The following HIKESHI variants were observed in gnomAD, a reference collection of about 807,000 sequenced individuals.
The protein encoded by HIKESHI is heat shock protein nuclear import factor hikeshi.
Under a neutral mutation model 25.7 loss-of-function variants are expected in HIKESHI, and 13 were observed. That is an observed-to-expected ratio of 0.51 (90% CI 0.33 to 0.80). The LOEUF is 0.80. HIKESHI is among the 30% of genes least tolerant of loss of function. HIKESHI has a pLI of 0.02. For synonymous variants in HIKESHI, 76 were observed against 78.7 expected (o/e 0.97, Z 0.18); for missense variants, 174 against 229.5 (o/e 0.76, Z 1.56).
intron 3 of HIKESHI, among the ~76,000 whole-genome samples, chr11:86,340,864 T>A (rs7103304): frequency 6.6e-6 from 1 of 151,956 alleles, no homozygotes; most frequent in South Asian, 2.1e-4. Flanking sequence ...AGGCTGGTCT[T>A]GAACTCCTGA....
chr11:86,322,944 A>G (rs1190680115), intron 2 of HIKESHI, among the ~76,000 whole-genome samples: 1 of 152,176 alleles, frequency 6.6e-6, no homozygotes, highest in Non-Finnish European at 1.5e-5. Flanking sequence ...AAAGTAAAAT[A>G]TAGGCTGGGC....
chr11:86,326,577 A>G (rs1266866297), intron 2 of HIKESHI: 1 of 456,062 alleles, frequency 2.2e-6, no homozygotes, highest in African/African-American at 2.0e-5. Context: ...AATATTAAAT[A>G]TCACACCAAG....
At chr11:86,318,491 G>T (rs1947058448) in intron 2 of HIKESHI, among the ~76,000 whole-genome samples, 1 of 151,690 alleles carries the variant, frequency 6.6e-6, no homozygotes, top group African/African-American at 2.4e-5. Flanking sequence ...AGAGAAAGAG[G>T]CAAAGTTATT....
chr11:86,307,139 A>T (rs868438995), intron 2 of HIKESHI, among the ~76,000 whole-genome samples: 2 of 113,830 alleles, frequency 1.8e-5, no homozygotes, highest in Non-Finnish European at 3.5e-5. Flanking sequence ...TATACATCAT[A>T]TATCAAATAT....
chr11:86,345,461 T>C (rs1947847635), intron 4 of HIKESHI, 123 bp from the exon 5 acceptor site: 1 of 600,994 alleles, frequency 1.7e-6, no homozygotes, highest in East Asian at 3.2e-5. Flanking sequence ...ATTATCTTTT[T>C]AGATTTTTTA....
intron 2 of HIKESHI, among the ~76,000 whole-genome samples, chr11:86,318,591 A>G (rs1388273769): frequency 1.3e-5 from 2 of 152,054 alleles, no homozygotes; most frequent in African/African-American, 4.8e-5. Context: ...TGTCAATTTT[A>G]TTTATTTAGA....
chr11:86,332,381 T>G (rs965586734), intron 2 of HIKESHI, among the ~76,000 whole-genome samples: 1 of 152,144 alleles, frequency 6.6e-6, no homozygotes, highest in Admixed American at 6.5e-5. Flanking sequence ...ATTAGAAGGA[T>G]TGGTACTTCA....
chr11:86,332,871 T>A (rs533165641), intron 2 of HIKESHI, among the ~76,000 whole-genome samples: 2 of 152,390 alleles, frequency 1.3e-5, no homozygotes, highest in South Asian at 4.1e-4. Flanking sequence ...CCTTGGTTTG[T>A]CATTGCATTA....
Position 86,331,155 on chromosome 11 carries a change from G to T in HIKESHI, c.269-6224G>T, listed in dbSNP as rs568436996. Among the ~76,000 whole-genome samples the T allele has an allele frequency of 5.3e-5, 8 of 152,080 alleles. No individual in the cohort carries two copies. In the East Asian group the frequency reaches 1.5e-3, roughly 29 times the overall value. On this transcript the variant is annotated intron_variant, in intron 2 of 4. Transcript: ENST00000278483. ...CTTAATAAATGGTTGTTATATTTTC[G>T]TAAAATCATAGAATGTCAGCACTAG...
intron 2 of HIKESHI, among the ~76,000 whole-genome samples, chr11:86,333,460 A>G (rs2138391579): frequency 1.3e-5 from 2 of 151,988 alleles, no homozygotes; most frequent in African/African-American, 4.8e-5. Context: ...GCTTGAACCC[A>G]GGAGGCGGAG....
At chr11:86,335,872 CAA>C (rs1317754157) in intron 2 of HIKESHI, among the ~76,000 whole-genome samples, 1 of 152,084 alleles carries the variant, frequency 6.6e-6, no homozygotes, top group Non-Finnish European at 1.5e-5. Context: ...CAGTTTTCTA[CAA>C]AAAATTATGA....
At chr11:86,332,110 G>GCC (rs1359652579) in intron 2 of HIKESHI, among the ~76,000 whole-genome samples, 1 of 151,466 alleles carries the variant, frequency 6.6e-6, no homozygotes, top group Non-Finnish European at 1.5e-5. Context: ...ACAGGCGCCT[G>GCC]CCACCATGCC....
intron 2 of HIKESHI, among the ~76,000 whole-genome samples, chr11:86,329,061 C>G (rs1265281164): frequency 6.6e-6 from 1 of 151,904 alleles, no homozygotes; most frequent in Non-Finnish European, 1.5e-5. Context: ...GTTACTCTTT[C>G]TTTTCCTCCA....
At chr11:86,321,881 C>G (rs1337521140) in intron 2 of HIKESHI, among the ~76,000 whole-genome samples, 1 of 152,162 alleles carries the variant, frequency 6.6e-6, no homozygotes, top group Non-Finnish European at 1.5e-5. Context: ...CTTTCATGTT[C>G]TGATCAACAC....
At position 86,344,675 on chromosome 11, in the gene HIKESHI, C is replaced by T. The variant is rs1340433971; in HGVS notation, c.493C>T (p.Pro165Ser). The change falls in exon 4 of 5, where the codon CCA becomes TCA. Residue 165 changes from proline (P) to serine (S), a missense_variant. Pro to Ser is a moderately conservative substitution (Grantham distance 74, BLOSUM62 -1). Transcript: ENST00000278483. ...TGCTGTCTCTCAGGCCCAGATGACA[C>T]CAAGCCCATCTGAAATGTTCATTCC... ...SFAVSQAQMT[P>S]SPSEMFIPAN... The T allele has an allele frequency of 6.2e-7, 1 of 1,612,204 alleles. No individual in the cohort carries two copies. Among genetic ancestry groups the T allele is most frequent in the African/African-American group, 1.3e-5 (1 of 74,888 alleles).
chr11:86,325,798 G>A (rs1287927647), intron 2 of HIKESHI, among the ~76,000 whole-genome samples: 2 of 152,110 alleles, frequency 1.3e-5, no homozygotes, highest in East Asian at 3.9e-4. Context: ...CTTGAACCCG[G>A]GAGGCGGAGG....
intron 4 of HIKESHI, chr11:86,345,082 C>T (rs1044305548): frequency 5.5e-6 from 6 of 1,086,040 alleles, no homozygotes; most frequent in East Asian, 5.4e-5. Context: ...CCAACTTTCC[C>T]GTGTTTTATA....
At chr11:86,319,964 A>G (rs1947107817) in intron 2 of HIKESHI, among the ~76,000 whole-genome samples, 1 of 152,144 alleles carries the variant, frequency 6.6e-6, no homozygotes, top group African/African-American at 2.4e-5. Context: ...ATATCTGTAA[A>G]GTCTGTAGAG....
intron 2 of HIKESHI, among the ~76,000 whole-genome samples, chr11:86,313,747 A>G (rs1593820239): frequency 6.6e-6 from 1 of 152,338 alleles, no homozygotes; most frequent in East Asian, 1.9e-4. Context: ...ATGTTTGTAC[A>G]AAGTGTGGAG....
Sources: gnomAD v4.1 joint callset for allele counts (sites outside exome capture counted in the v4.1 genomes callset) on GRCh38, gnomAD v4.1.1 for gene constraint, MANE v1.5 for transcripts, NCBI Gene and HGNC (gene_info 2026-07-23, HGNC 2026-07-21) for gene names.